The following TMEM114 variants were observed in gnomAD, a reference collection of about 807,000 sequenced individuals.
The protein encoded by TMEM114 is claudin-26.
A neutral mutation model predicts 6.2 loss-of-function variants in TMEM114; 6 were observed. That is an observed-to-expected ratio of 0.97 (90% CI 0.53 to 1.91). The LOEUF (loss-of-function observed/expected upper bound fraction) is 1.91. Ranked by LOEUF, TMEM114 falls within the 40% of genes most tolerant of loss-of-function variation. The pLI is 0.01. For synonymous variants in TMEM114, 104 were observed against 73.0 expected (o/e 1.42, Z -2.16); for missense variants, 218 against 158.3 (o/e 1.38, Z -2.02).
At chr16:8,560,991 G>A (rs753908464) in intron 2 of TMEM114, among the ~76,000 whole-genome samples, 21 of 152,198 alleles carry the variant, frequency 1.4e-4, no homozygotes, top group Non-Finnish European at 2.6e-4. Flanking sequence ...CAGGGAATGA[G>A]AGCCAAGCAA....
chr16:8,539,715 G>T (rs77462339), intron 2 of TMEM114, among the ~76,000 whole-genome samples: 14,548 of 151,922 alleles, frequency 0.096, 846 homozygotes, highest in Middle Eastern at 0.21. Flanking sequence ...TAGATCTCAT[G>T]TCCCATAGCA....
downstream of TMEM114, among the ~76,000 whole-genome samples, chr16:8,565,696 C>T (rs79098334): frequency 2.6e-5 from 4 of 152,244 alleles, no homozygotes; most frequent in Admixed American, 6.5e-5. Context: ...CCCTGCAGGC[C>T]GGTCCGTTCA....
intron 2 of TMEM114, among the ~76,000 whole-genome samples, chr16:8,584,169 A>G (rs147747981): frequency 4.0e-4 from 61 of 152,356 alleles, no homozygotes; most frequent in African/African-American, 1.3e-3. Context: ...AAGAGGAAAG[A>G]AATTGAGTTT....
At chr16:8,539,383 T>C (rs1339551782) in intron 2 of TMEM114, among the ~76,000 whole-genome samples, 1 of 152,138 alleles carries the variant, frequency 6.6e-6, no homozygotes, top group African/African-American at 2.4e-5. Flanking sequence ...CCAGAATACT[T>C]GCCCCTGGCC....
intron 2 of TMEM114, among the ~76,000 whole-genome samples, chr16:8,580,596 C>G (rs1902107520): frequency 6.6e-6 from 1 of 151,878 alleles, no homozygotes; most frequent in African/African-American, 2.4e-5. Flanking sequence ...GTAAATGACT[C>G]AGTGTGCATC....
At chr16:8,533,741 G>T (rs963741501), downstream of TMEM114, among the ~76,000 whole-genome samples, 5 of 152,146 alleles carry the variant, frequency 3.3e-5, no homozygotes, top group Non-Finnish European at 7.3e-5. Context: ...ATGTTACATT[G>T]GTTACTTCAT....
chr16:8,538,133 C>CAAAAAAAA (rs59194084), intron 2 of TMEM114, among the ~76,000 whole-genome samples: 20 of 76,316 alleles, frequency 2.6e-4, no homozygotes, highest in Admixed American at 1.1e-3. Flanking sequence ...ACTGTCTCTA[C>CAAAAAAAA]AAAAAAAAAA....
chr16:8,557,199 C>G (rs1018293039), intron 2 of TMEM114, among the ~76,000 whole-genome samples: 58 of 152,212 alleles, frequency 3.8e-4, no homozygotes, highest in African/African-American at 1.3e-3. Context: ...TCAGAACAGG[C>G]TGTAACTGTG....
In TMEM114 at chr16:8,572,713, G is replaced by C. The variant is rs1000523831; in HGVS notation, c.302-489C>G. ...GGCCTCCCAAAGTGCTGGCATTACA[G>C]GTGTGAGCCACTGTGCCTGGCCAGA... On this transcript the variant is annotated intron_variant, in intron 2 of 3. Transcript: ENST00000620492. 3.3e-5 allele frequency among the ~76,000 whole-genome samples: 5 copies of C among 152,346 alleles called. No homozygotes were observed. The South Asian group carries it at 6.2e-4, about 19-fold the overall frequency.
intron 2 of TMEM114, among the ~76,000 whole-genome samples, chr16:8,581,278 G>A (rs543811350): frequency 2.0e-5 from 3 of 152,208 alleles, no homozygotes; most frequent in Admixed American, 6.5e-5. Flanking sequence ...ACACTAATAT[G>A]CATTAGTATA....
Position 8,570,010 on chromosome 16 carries a change from A to C in TMEM114, c.440-5T>G. Reference sequence around the variant, plus strand: ...TCCCAGCGAGGGTCACCATGGCTGCAGGGAGGGCAAAGGGAGAGCAGATCA... The same window carrying C: ...TCCCAGCGAGGGTCACCATGGCTGCCGGGAGGGCAAAGGGAGAGCAGATCA... On this transcript the variant is annotated splice_region_variant and splice_polypyrimidine_tract_variant and intron_variant, in intron 3 of 3. Transcript: ENST00000620492. 6.5e-7 allele frequency: 1 copy of C among 1,547,280 alleles called. No individual in the cohort carries two copies. Among genetic ancestry groups the C allele is most frequent in the Non-Finnish European group, 8.7e-7 (1 of 1,144,302 alleles).
intron 2 of TMEM114, among the ~76,000 whole-genome samples, chr16:8,550,416 C>G (rs759045048): frequency 6.6e-6 from 1 of 152,136 alleles, no homozygotes; most frequent in Non-Finnish European, 1.5e-5. Context: ...TGCGGTGGCT[C>G]ACGCCTGCAA....
intron 2 of TMEM114, among the ~76,000 whole-genome samples, chr16:8,547,523 G>C (rs1000006730): frequency 6.6e-6 from 1 of 151,460 alleles, no homozygotes. Context: ...CTCCAGAGTG[G>C]CTGGGATTAC....
chr16:8,586,588 C>T (rs1356712065), intron 2 of TMEM114, among the ~76,000 whole-genome samples: 3 of 151,950 alleles, frequency 2.0e-5, no homozygotes, highest in African/African-American at 7.3e-5. Flanking sequence ...CAGCTCACTG[C>T]AACCTCTGCC....
chr16:8,549,868 A>G lies in TMEM114; in HGVS notation n.213-12042T>C, dbSNP rs180985578. 2.5e-3 allele frequency among the ~76,000 whole-genome samples: 374 copies of G among 152,328 alleles called. 1 individual carries two copies. Among genetic ancestry groups the G allele is most frequent in the Non-Finnish European group, 3.9e-3 (262 of 68,026 alleles). ...AATTTATTCAGGAGAATTGGCTCACATGATCACAAGGTGAAGTCCCCCCAC... is the reference window on the plus strand; with the variant it reads ...AATTTATTCAGGAGAATTGGCTCACGTGATCACAAGGTGAAGTCCCCCCAC... On this transcript the variant is annotated intron_variant and non_coding_transcript_variant, in intron 2 of 2. Transcript: ENST00000623677.
rs561070624 is a variant in TMEM114, at chr16:8,586,769, C to T, written c.301+2444G>A. 2.0e-5 allele frequency among the ~76,000 whole-genome samples: 3 copies of T among 152,286 alleles called. No homozygotes were observed. The South Asian group carries it at 6.2e-4, about 32-fold the overall frequency. The stretch of plus-strand genomic sequence containing the variant: ...AGGTGATCTGCCTGCCTCAGCCTCC[C>T]AAAGTGCTGGGATTACAGACATGAG... On this transcript the variant is annotated intron_variant, in intron 2 of 3. Transcript: ENST00000620492.
chr16:8,586,920 C>T (rs1490953161), intron 2 of TMEM114, among the ~76,000 whole-genome samples: 2 of 152,226 alleles, frequency 1.3e-5, no homozygotes, highest in South Asian at 2.1e-4. Flanking sequence ...TCAACTCCCA[C>T]ACATTCCAGG....
In TMEM114 at chr16:8,569,664, G is replaced by A; in HGVS notation, c.*109C>T. ...TTGTGGGGGAAGGAGGGGGGTGCCT[G>A]GCCTCCCCGAGTGGCCTTTGAGGAA... On this transcript the variant is annotated 3_prime_UTR_variant, in exon 4 of 4. Transcript: ENST00000620492. The A allele has an allele frequency of 1.4e-6, 2 of 1,443,840 alleles. No individual in the cohort carries two copies. The highest frequency in any genetic ancestry group is 1.8e-6 in the Non-Finnish European group (2 of 1,102,236). 89.4% of individuals were successfully genotyped at this position (1,443,840 alleles called of 1,614,324 possible).
intron 2 of TMEM114, among the ~76,000 whole-genome samples, chr16:8,563,887 T>TG (rs1901399385): frequency 1.4e-5 from 1 of 71,768 alleles, no homozygotes; most frequent in Non-Finnish European, 3.0e-5. Context: ...GTGAGTGAAT[T>TG]AGTGAGTGAA....
Sources: allele counts gnomAD v4.1 joint callset (sites outside exome capture counted in the v4.1 genomes callset), GRCh38; gene constraint gnomAD v4.1.1; transcripts MANE v1.5; gene names NCBI Gene and HGNC (gene_info 2026-07-23, HGNC 2026-07-21).